The following CXCL1 variants were observed in gnomAD, a reference collection of about 807,000 sequenced individuals.
CXCL1 encodes growth-regulated alpha protein.
A neutral mutation model predicts 11.7 loss-of-function variants in CXCL1; 9 were observed. The ratio of observed to expected loss-of-function variants is 0.77; its 90% CI spans 0.46 to 1.34. The LOEUF (loss-of-function observed/expected upper bound fraction) is 1.34. CXCL1 is among the 40% of genes most tolerant of loss of function. The probability of loss-of-function intolerance (pLI) is 0.00; values close to 1 mark genes in which losing one functional copy is unlikely to be tolerated. For synonymous variants in CXCL1, 78 were observed against 59.1 expected, an observed-to-expected ratio of 1.32 and a Z score of -1.47; for missense variants, 146 against 138.1, an observed-to-expected ratio of 1.06 and a Z score of -0.29.
At position 73,869,817 on chromosome 4, in the gene CXCL1, T is replaced by A. The variant is rs778763527; in HGVS notation, c.224+25T>A. The A allele has an allele frequency of 6.8e-6, 11 of 1,613,662 alleles. No homozygotes were observed. The South Asian group carries it at 1.1e-4, about 16-fold the overall frequency. On this transcript the variant is annotated intron_variant, in intron 2 of 3. Coordinates refer to ENST00000395761, the MANE Select transcript of CXCL1 (RefSeq NM_001511.4). ...TGTAAGTCCCGCCCCGCGCTGCCTC[T>A]GCCACCGCCGGGGTCCCAGACCCTC... is the stretch of plus-strand genomic sequence containing the variant.
rs369881595 is a variant in CXCL1, at chr4:73,870,496, C to A, written c.309-25C>A. 170 of 1,613,810 alleles carry A rather than the reference C, an allele frequency of 1.1e-4. No homozygotes were observed. In the African/African-American group the frequency reaches 2.0e-3, roughly 19 times the overall value. ...CAATCAGCTTTCCCGAGCACCTACT[C>A]AGGGCACCCATTTTCTCATTGCAGT... is the stretch of plus-strand genomic sequence containing the variant. On this transcript the variant is annotated intron_variant, in intron 3 of 3. Transcript: ENST00000395761.
intron 3 of CXCL1, 133 bp downstream of exon 3, chr4:73,870,122 C>A (rs1481373992): frequency 1.1e-6 from 1 of 905,406 alleles, no homozygotes; most frequent in South Asian, 1.6e-5. Context: ...ATTGTTTTCA[C>A]AATTAAGGTT....
intron 3 of CXCL1, 81 bp from the exon 4 acceptor site, chr4:73,870,423 CGGAAAACTCTAGAGGCT>C: frequency 6.8e-7 from 1 of 1,473,744 alleles, no homozygotes; most frequent in South Asian, 1.2e-5. Flanking sequence ...AAACTGCATT[CGGAAAACTCTAGAGGCT>C]GGAGGAGCAG....
rs764068835 is a variant in CXCL1 at position 73,870,559 on chromosome 4, C to T, written c.*23C>T. On this transcript the variant is annotated 3_prime_UTR_variant, in exon 4 of 4. Coordinates refer to ENST00000395761, the MANE Select transcript of CXCL1 (RefSeq NM_001511.4). Reference sequence around the variant, plus strand: ...TGACCAGAAGGGAGGAGGAAGCTCACTGGTGGCTGTTCCTGAAGGAGGCCC... The same window carrying T: ...TGACCAGAAGGGAGGAGGAAGCTCATTGGTGGCTGTTCCTGAAGGAGGCCC... 21 of 1,613,746 alleles carry T rather than the reference C, an allele frequency of 1.3e-5. No individual in the cohort carries two copies. In the Admixed American group the frequency reaches 3.3e-4, roughly 26 times the overall value.
chr4:73,870,222 AG>A, intron 3 of CXCL1: 9 of 627,300 alleles, frequency 1.4e-5, no homozygotes, highest in Middle Eastern at 4.2e-4. Flanking sequence ...CAATGAATGT[AG>A]GTAAAACTGC....
At chr4:73,870,247 C>A in intron 3 of CXCL1, 2 of 617,408 alleles carry the variant, frequency 3.2e-6, no homozygotes, top group Non-Finnish European at 5.6e-6. Flanking sequence ...CATTTGAGGC[C>A]CAGTAGGACA....
rs1731887882 is a variant in CXCL1 at position 73,869,536 on chromosome 4, C to T, written c.66C>T (p.Leu22=). 1.9e-6 allele frequency: 3 copies of T among 1,606,800 alleles called. No homozygotes were observed. Among genetic ancestry groups the T allele is most frequent in the Non-Finnish European group, 1.7e-6 (2 of 1,176,414 alleles). Residue 22 remains leucine (L), a synonymous_variant, in exon 1 of 4, where the codon CTC becomes CTT. Coordinates refer to ENST00000395761, the MANE Select transcript of CXCL1 (RefSeq NM_001511.4). ...NPRLLRVALL[L]LLLVAAGRRA... ...GGCTCCTGCGAGTGGCACTGCTGCT[C>T]CTGCTCCTGGTAGCCGCTGGCCGGC...
At chr4:73,870,377 G>A (rs1731920774) in intron 3 of CXCL1, 144 bp from the exon 4 acceptor site, 1 of 993,674 alleles carries the variant, frequency 1.0e-6, no homozygotes, top group Non-Finnish European at 1.5e-6. Context: ...CAGCACAGCT[G>A]TCATAGGCAG....
Position 73,870,555 on chromosome 4 carries a change from C to G in CXCL1, c.*19C>G, listed in dbSNP as rs758632016. 1.2e-6 allele frequency: 2 copies of G among 1,613,646 alleles called. No individual in the cohort carries two copies. On this transcript the variant is annotated 3_prime_UTR_variant, in exon 4 of 4. Transcript: ENST00000395761. ...CAACTGACCAGAAGGGAGGAGGAAG[C>G]TCACTGGTGGCTGTTCCTGAAGGAG... is the stretch of plus-strand genomic sequence containing the variant.
At chr4:73,870,325 C>CCAAACAAAAAAA in intron 3 of CXCL1, 196 bp from the exon 4 acceptor site, 1 of 619,212 alleles carries the variant, frequency 1.6e-6, no homozygotes, top group East Asian at 3.0e-5. Context: ...ACCCCACCCC[C>CCAAACAAAAAAA]ATTCCTAAAA....
At chr4:73,870,500 G>T (rs1371825208) in intron 3 of CXCL1, 21 bp from the exon 4 acceptor site, 1 of 1,613,790 alleles carries the variant, frequency 6.2e-7, no homozygotes, top group African/African-American at 1.3e-5. Flanking sequence ...CCTACTCAGG[G>T]CACCCATTTT....
chr4:73,869,614 G>A (rs1731890836), intron 1 of CXCL1, 44 bp downstream of exon 1: 1 of 1,613,478 alleles, frequency 6.2e-7, no homozygotes, highest in Non-Finnish European at 8.5e-7. Flanking sequence ...ACGCGGCTGG[G>A]GTAGGCACCC....
At position 73,869,433 on chromosome 4, in the gene CXCL1, G is replaced by T. The variant is rs11547681; in HGVS notation, c.-38G>T. 290,310 of 1,538,946 alleles carry T rather than the reference G, an allele frequency of 0.19. 29,813 individuals carry two copies. Among genetic ancestry groups the T allele is most frequent in the Admixed American group, 0.38 (19,559 of 50,994 alleles). On this transcript the variant is annotated 5_prime_UTR_variant, in exon 1 of 4. Transcript: ENST00000395761. ...CAGGCACCTCCTCGCCAGCTCTTCC[G>T]CTCCTCTCACAGCCGCCAGACCCGC...
chr4:73,869,827 G>A (rs201576888), intron 2 of CXCL1, 35 bp downstream of exon 2: 266 of 1,613,334 alleles, frequency 1.6e-4, no homozygotes, highest in Non-Finnish European at 2.1e-4. Flanking sequence ...TGCCACCGCC[G>A]GGGTCCCAGA....
chr4:73,870,246 C>T (rs986216661), intron 3 of CXCL1: 4 of 616,932 alleles, frequency 6.5e-6, no homozygotes, highest in Admixed American at 5.9e-5. Flanking sequence ...TCATTTGAGG[C>T]CCAGTAGGAC....
rs778955268 is a variant in CXCL1 at position 73,870,007 on chromosome 4, T to C, written c.308+18T>C. On this transcript the variant is annotated intron_variant, in intron 3 of 3. Transcript: ENST00000395761. ...CTGAACAGGTGAGTTATGGTTTCCA[T>C]GTACACAGGCGACTGGAGCCGTTGG... The C allele has an allele frequency of 6.2e-7, 1 of 1,612,722 alleles. No individual in the cohort carries two copies. The highest frequency in any genetic ancestry group is 8.5e-7 in the Non-Finnish European group (1 of 1,178,764).
chr4:73,869,933 T>C lies in CXCL1; in HGVS notation c.252T>C (p.Ala84=). The change falls in exon 3 of 4, where the codon GCT becomes GCC. Residue 84 remains alanine (A), a synonymous_variant. Transcript: ENST00000395761. ...VIATLKNGRK[A]CLNPASPIVK... ...CCACACTCAAGAATGGGCGGAAAGC[T>C]TGCCTCAATCCTGCATCCCCCATAG... The C allele has an allele frequency of 6.2e-7, 1 of 1,614,166 alleles. No individual in the cohort carries two copies. The highest frequency in any genetic ancestry group is 8.5e-7 in the Non-Finnish European group (1 of 1,180,028).
In CXCL1 at chr4:73,869,972, C is replaced by A; in HGVS notation, c.291C>A (p.Ile97=). 1.2e-6 allele frequency: 2 copies of A among 1,614,076 alleles called. No homozygotes were observed. The highest frequency in any genetic ancestry group is 1.7e-6 in the Non-Finnish European group (2 of 1,180,004). Reference sequence around the variant, plus strand: ...CATCCCCCATAGTTAAGAAAATCATCGAAAAGATGCTGAACAGGTGAGTTA... The same window carrying A: ...CATCCCCCATAGTTAAGAAAATCATAGAAAAGATGCTGAACAGGTGAGTTA... ...NPASPIVKKI[I]EKMLNSDKSN Residue 97 remains isoleucine, a synonymous_variant, in exon 3 of 4, where the codon ATC becomes ATA. Coordinates refer to ENST00000395761, the MANE Select transcript of CXCL1 (RefSeq NM_001511.4).
Position 73,869,478 on chromosome 4 carries a change from G to A in CXCL1, c.8G>A (p.Arg3His), listed in dbSNP as rs200382055. MA[R>H]AALSAAPSNP... ...ACCCGCCTGCTGAGCCCCATGGCCC[G>A]CGCTGCTCTCTCCGCCGCCCCCAGC... Residue 3 changes from arginine (R) to histidine (H), a missense_variant, in exon 1 of 4, where the codon CGC (arginine) becomes CAC (histidine). Transcript: ENST00000395761. 72 of 1,564,438 alleles carry A rather than the reference G, an allele frequency of 4.6e-5. No homozygotes were observed. Among genetic ancestry groups the A allele is most frequent in the Admixed American group, 7.6e-5 (4 of 52,620 alleles).
Sources: gnomAD v4.1 joint callset for allele counts on GRCh38, gnomAD v4.1.1 for gene constraint, MANE v1.5 for transcripts, NCBI Gene and HGNC (gene_info 2026-07-23, HGNC 2026-07-21) for gene names.